Variants in PRR5 observed in about 807,000 individuals in gnomAD.
PRR5 encodes proline-rich protein 5.
A neutral mutation model predicts 30.6 loss-of-function variants in PRR5; 25 were observed. The ratio of observed to expected loss-of-function variants is 0.82; its 90% confidence interval spans 0.60 to 1.14. The LOEUF is 1.14. Ranked by LOEUF, PRR5 falls within the 50% of genes most tolerant of loss-of-function variation. The pLI is 0.00. For synonymous variants in PRR5, 286 were observed against 247.1 expected (o/e 1.16, Z -1.48); for missense variants, 600 against 547.1 (o/e 1.10, Z -0.96).
chr22:44,676,390 C>CAAAAAAAA (rs59016907), upstream of PRR5, among the ~76,000 whole-genome samples: 36 of 36,798 alleles, frequency 9.8e-4, no homozygotes, highest in East Asian at 2.0e-3. Context: ...GACCCTGTCT[C>CAAAAAAAA]AAAAAAAAAA....
rs550193437 is a variant in PRR5 at position 44,703,087 on chromosome 22, T to C, written c.134+479T>C. ...CTTTCCCTTGAGAGGCCCCCTGTCC[T>C]CCAGCTGTCAGCAGGGGGTGCGGCA... On this transcript the variant is annotated intron_variant, in intron 1 of 7. Transcript: ENST00000336985. 1.6e-4 allele frequency among the ~76,000 whole-genome samples: 24 copies of C among 152,308 alleles called. No individual in the cohort carries two copies. In the South Asian group the frequency reaches 4.8e-3, roughly 30 times the overall value.
At chr22:44,683,016 C>A (rs1289642026) in intron 1 of PRR5, among the ~76,000 whole-genome samples, 1 of 152,188 alleles carries the variant, frequency 6.6e-6, no homozygotes, top group Non-Finnish European at 1.5e-5. Context: ...AAGATCATCC[C>A]AAAATAAGTG....
intron 1 of PRR5, among the ~76,000 whole-genome samples, chr22:44,711,633 C>A (rs980677031): frequency 6.6e-6 from 1 of 152,180 alleles, no homozygotes; most frequent in Non-Finnish European, 1.5e-5. Flanking sequence ...GAGGCCCTGG[C>A]TACACCGCTG....
rs943149895 is a variant in PRR5, at chr22:44,735,046, G to T, written c.575G>T (p.Gly192Val). The T allele has an allele frequency of 1.6e-5, 25 of 1,612,686 alleles. No homozygotes were observed. The highest frequency in any genetic ancestry group is 2.0e-5 in the Non-Finnish European group (24 of 1,179,602). ...CTGCAGGGGGTACATGAGTCCAGGG[G>T]CGTGACTGAGGACTACCTGCGCCTG... ...LVLQGVHESRGVTEDYLRLET... is the reference protein window; with the variant it reads ...LVLQGVHESRVVTEDYLRLET... The change falls in exon 7 of 8, where the codon GGC becomes GTC. Residue 192 changes from glycine to valine, a missense_variant. Coordinates refer to ENST00000336985, the MANE Select transcript of PRR5 (RefSeq NM_181333.4).
chr22:44,674,460 C>T (rs1463539256), upstream of PRR5, among the ~76,000 whole-genome samples: 7 of 152,072 alleles, frequency 4.6e-5, no homozygotes, highest in South Asian at 6.2e-4. Flanking sequence ...CGGTGGCTCA[C>T]GCCTGTAATC....
At chr22:44,719,877 C>G (rs5765931) in intron 2 of PRR5, among the ~76,000 whole-genome samples, 1 of 152,024 alleles carries the variant, frequency 6.6e-6, no homozygotes, top group Non-Finnish European at 1.5e-5. Context: ...AGCAGCAAAC[C>G]CCCTGGATGG....
chr22:44,736,613 CAG>C (rs60470473), intron 7 of PRR5, among the ~76,000 whole-genome samples, 157 bp from the exon 8 acceptor site: 21,908 of 152,100 alleles, frequency 0.14, 2,028 homozygotes, highest in East Asian at 0.26. Context: ...GAGCTGGTGT[CAG>C]GGCTTGTGGC....
Position 44,691,143 on chromosome 22 carries a change from G to T in PRR5, c.-10-11349G>T, listed in dbSNP as rs1925202163. On this transcript the variant is annotated intron_variant, in intron 1 of 8. Transcript: ENST00000006251. The surrounding 1 kb of genome is among the most constrained non-coding windows in gnomAD (Gnocchi z 4.4). ...GGGGGTGGGCAGGCTGTGGGCAGGG[G>T]CTGAGAAAGAGGGCAGAGGAACGGT... 6.6e-6 allele frequency among the ~76,000 whole-genome samples: 1 copy of T among 151,996 alleles called. No individual in the cohort carries two copies. Among genetic ancestry groups the T allele is most frequent in the Non-Finnish European group, 1.5e-5 (1 of 67,966 alleles).
At chr22:44,688,853 T>A (rs1212620012) in intron 1 of PRR5, among the ~76,000 whole-genome samples, 1 of 152,084 alleles carries the variant, frequency 6.6e-6, no homozygotes, top group Non-Finnish European at 1.5e-5. Flanking sequence ...CCGGGCATGG[T>A]GGTGCACGCC....
upstream of PRR5, chr22:44,702,126 G>GC: frequency 4.9e-6 from 1 of 203,216 alleles, no homozygotes; most frequent in Non-Finnish European, 9.0e-6. Context: ...CCCCGCCCGC[G>GC]ATGCCCCCGC....
At chr22:44,681,452 A>T (rs1924275435) in intron 1 of PRR5, among the ~76,000 whole-genome samples, 1 of 151,998 alleles carries the variant, frequency 6.6e-6, no homozygotes, top group Non-Finnish European at 1.5e-5. Context: ...GCTGGGCATG[A>T]TGGTGGGTGC....
chr22:44,672,541 G>A (rs1374035865), upstream of PRR5, among the ~76,000 whole-genome samples: 5 of 152,188 alleles, frequency 3.3e-5, no homozygotes, highest in African/African-American at 7.2e-5. Context: ...CTGAGATCAC[G>A]TGCCTGCACT....
At chr22:44,674,847 G>A (rs1923631290), upstream of PRR5, among the ~76,000 whole-genome samples, 1 of 152,174 alleles carries the variant, frequency 6.6e-6, no homozygotes, top group South Asian at 2.1e-4. Flanking sequence ...TCAGGAGGGT[G>A]AGGCAGGAGA....
In PRR5 at chr22:44,683,946, C is replaced by T. The variant is rs368176505; in HGVS notation, c.-11+6706C>T. ...CCCAATCCTTTGTCAGAAGCCCTAG[C>T]CCAGGAACAGGGGCTGGGCCCCTCG... On this transcript the variant is annotated intron_variant, in intron 1 of 8. Transcript: ENST00000006251. Among the ~76,000 whole-genome samples, 80 of 152,360 alleles carry T rather than the reference C, an allele frequency of 5.3e-4. 1 individual carries two copies. The East Asian group carries it at 0.014, about 26-fold the overall frequency.
chr22:44,713,864 C>T (rs1480880490), intron 1 of PRR5, among the ~76,000 whole-genome samples: 1 of 152,216 alleles, frequency 6.6e-6, no homozygotes, highest in African/African-American at 2.4e-5. Flanking sequence ...AGTGCAGTGG[C>T]GCGATCTCGG....
intron 4 of PRR5, chr22:44,730,219 G>A (rs748207852): frequency 4.4e-5 from 43 of 985,166 alleles, no homozygotes; most frequent in Admixed American, 6.1e-5. Flanking sequence ...TTCAGCCTCC[G>A]CATTCCCATG....
At chr22:44,730,736 G>A (rs559359307) in intron 4 of PRR5, 3 of 908,076 alleles carry the variant, frequency 3.3e-6, no homozygotes, top group Admixed American at 5.3e-5. Context: ...TTCTTCCTTC[G>A]ACGTGGTGCT....
In PRR5 at chr22:44,737,234, A is replaced by C; in HGVS notation, c.1154A>C (p.Gln385Pro). Residue 385 changes from glutamine (Q) to proline (P), a missense_variant, in exon 8 of 8, where the codon CAG (glutamine) becomes CCG (proline). By Grantham distance (76) the Gln-to-Pro change is moderately conservative. Transcript: ENST00000336985. ...GACTTGGAGGGCTCTGGGGGCCGGC[A>C]GAGTGTCGTGTGAGGCCTCACAGCT... ...MSDLEGSGGR[Q>P]SVV 3.7e-6 allele frequency: 6 copies of C among 1,602,502 alleles called. No individual in the cohort carries two copies. The highest frequency in any genetic ancestry group is 5.1e-6 in the Non-Finnish European group (6 of 1,172,206).
At chr22:44,730,570 G>T (rs1423872481) in intron 4 of PRR5, 11 of 989,188 alleles carry the variant, frequency 1.1e-5, no homozygotes, top group Non-Finnish European at 1.3e-5. Flanking sequence ...AAATCCTACA[G>T]AGCTGGTCCC....
Sources: allele counts gnomAD v4.1 joint callset (sites outside exome capture counted in the v4.1 genomes callset), GRCh38; gene constraint gnomAD v4.1.1; non-coding constraint Gnocchi (gnomAD v3.1); transcripts MANE v1.5; gene names NCBI Gene and HGNC (gene_info 2026-07-23, HGNC 2026-07-21).